The following XYLB variants were observed in gnomAD, a reference collection of about 807,000 sequenced individuals.
XYLB encodes the protein xylulose kinase.
Under a neutral mutation model 78.7 loss-of-function variants are expected in XYLB, and 62 were observed. That is an observed-to-expected ratio of 0.79 (90% CI 0.64 to 0.97). XYLB has a LOEUF of 0.97. XYLB is among the 50% of genes least tolerant of loss of function. XYLB has a pLI of 0.00. For synonymous variants in XYLB, 245 were observed against 247.4 expected, an observed-to-expected ratio of 0.99 and a Z score of 0.09; for missense variants, 687 against 676.8, an observed-to-expected ratio of 1.02 and a Z score of -0.17.
intron 1 of XYLB, among the ~76,000 whole-genome samples, chr3:38,348,025 T>C (rs557460217): frequency 2.0e-4 from 31 of 152,334 alleles, no homozygotes; most frequent in African/African-American, 7.5e-4. Context: ...GGACCTCAGT[T>C]TTCCCATCTG....
the XYLB span, among the ~76,000 whole-genome samples, chr3:38,445,310 C>T: frequency 6.6e-6 from 1 of 152,174 alleles, no homozygotes; most frequent in Admixed American, 6.5e-5. Flanking sequence ...TGAACTCCCC[C>T]ACGCGACGGG....
intron 18 of XYLB, among the ~76,000 whole-genome samples, chr3:38,404,339 G>A (rs1232268885): frequency 3.3e-5 from 5 of 152,124 alleles, no homozygotes; most frequent in Admixed American, 3.3e-4. Context: ...CCCTCATTTG[G>A]AAGAGCAAAG....
intron 18 of XYLB, among the ~76,000 whole-genome samples, chr3:38,402,361 C>T (rs927103392): frequency 1.3e-5 from 2 of 152,106 alleles, no homozygotes; most frequent in African/African-American, 4.8e-5. Context: ...TGGTCTGAAA[C>T]GAAAGCTGTC....
At chr3:38,355,689 C>A in intron 2 of XYLB, 1 of 702,810 alleles carries the variant, frequency 1.4e-6, no homozygotes, top group South Asian at 1.5e-5. Flanking sequence ...CCTAGTCCAT[C>A]AAAACCTCCT....
intron 15 of XYLB, among the ~76,000 whole-genome samples, chr3:38,385,258 C>T (rs1707332341): frequency 6.6e-6 from 1 of 152,138 alleles, no homozygotes; most frequent in African/African-American, 2.4e-5. Flanking sequence ...TCTTGGCCTC[C>T]AAAGTGCTGG....
At position 38,395,535 on chromosome 3, in the gene XYLB, G is replaced by T; in HGVS notation, c.1322G>T (p.Gly441Val). ...MSKTKILATG[G>V]ASHNREILQV... ...AAGACAAAGATTTTGGCCACAGGAG[G>T]AGCATCTCACAATAGAGAAATCTTA... Residue 441 changes from glycine to valine, a missense_variant, in exon 16 of 19, where the codon GGA becomes GTA. Transcript: ENST00000207870. 6.2e-7 allele frequency: 1 copy of T among 1,614,192 alleles called. No homozygotes were observed. Among genetic ancestry groups the T allele is most frequent in the Non-Finnish European group, 8.5e-7 (1 of 1,180,034 alleles).
chr3:38,348,157 G>C lies in XYLB; in HGVS notation c.58-393G>C, dbSNP rs1705170971. On this transcript the variant is annotated intron_variant, in intron 1 of 18. Transcript: ENST00000207870. ...CCTTGCCTGGTCTCAGGCCTCTGCA[G>C]ACATGGATCCCCAGAGATGCCTCCA... is the stretch of plus-strand genomic sequence containing the variant. Among the ~76,000 whole-genome samples, 3 of 152,240 alleles carry C rather than the reference G, an allele frequency of 2.0e-5. No individual in the cohort carries two copies. The South Asian group carries it at 6.2e-4, about 31-fold the overall frequency.
the XYLB span, among the ~76,000 whole-genome samples, chr3:38,430,916 A>T: frequency 6.6e-6 from 1 of 151,866 alleles, no homozygotes; most frequent in Non-Finnish European, 1.5e-5. Context: ...TGATCTATAT[A>T]TCTGTTTTGG....
At position 38,365,576 on chromosome 3, in the gene XYLB, G is replaced by A. The variant is rs916124977; in HGVS notation, c.379-32G>A. 7.5e-6 allele frequency: 12 copies of A among 1,593,398 alleles called. No individual in the cohort carries two copies. The South Asian group carries it at 7.9e-5, about 10-fold the overall frequency. ...GCAGATCTCCAAGTCAGCGGATGGA[G>A]CTTAAGCCTGTGCCTTTGCCCTCCT... On this transcript the variant is annotated intron_variant, in intron 5 of 18. Transcript: ENST00000207870.
intron 17 of XYLB, among the ~76,000 whole-genome samples, chr3:38,397,418 G>A (rs1043095262): frequency 1.8e-4 from 28 of 152,192 alleles, no homozygotes; most frequent in African/African-American, 6.3e-4. Flanking sequence ...TCAGCACAGG[G>A]ACATGGGAAA....
At chr3:38,404,186 G>C (rs954784053) in intron 18 of XYLB, among the ~76,000 whole-genome samples, 2 of 152,170 alleles carry the variant, frequency 1.3e-5, no homozygotes, top group South Asian at 4.1e-4. Flanking sequence ...ATACAGGCTA[G>C]GACAACCTTA....
chr3:38,442,036 A>T, the XYLB span, among the ~76,000 whole-genome samples: 1 of 152,132 alleles, frequency 6.6e-6, no homozygotes, highest in South Asian at 2.1e-4. Flanking sequence ...ATTAGAGTAT[A>T]GAGTGGTCTG....
chr3:38,434,173 C>G, the XYLB span, among the ~76,000 whole-genome samples: 1 of 152,196 alleles, frequency 6.6e-6, no homozygotes, highest in Non-Finnish European at 1.5e-5. Flanking sequence ...TAATCTCCAC[C>G]TGGTCCTGCC....
chr3:38,360,124 A>G (rs1705886222), intron 2 of XYLB, among the ~76,000 whole-genome samples: 1 of 152,160 alleles, frequency 6.6e-6, no homozygotes, highest in Admixed American at 6.5e-5. Flanking sequence ...GCTTCTGAGA[A>G]TTGCCACATC....
At chr3:38,359,387 T>C (rs1705849361) in intron 2 of XYLB, among the ~76,000 whole-genome samples, 1 of 152,240 alleles carries the variant, frequency 6.6e-6, no homozygotes, top group Admixed American at 6.5e-5. Flanking sequence ...ATCGGGAACA[T>C]GTCACATTGC....
At chr3:38,347,622 G>A (rs1559565393) in intron 1 of XYLB, among the ~76,000 whole-genome samples, 1 of 152,094 alleles carries the variant, frequency 6.6e-6, no homozygotes, top group Non-Finnish European at 1.5e-5. Flanking sequence ...ATTGCAGTGA[G>A]CTAAGATGGC....
intron 10 of XYLB, among the ~76,000 whole-genome samples, 164 bp from the exon 11 acceptor site, chr3:38,374,298 T>G (rs3749385): frequency 1.3e-5 from 2 of 152,214 alleles, no homozygotes; most frequent in East Asian, 3.9e-4. Flanking sequence ...GACCTTCTCC[T>G]CTTAGGGCCT....
chr3:38,412,784 AT>A (rs1708648059), intron 18 of XYLB, 151 bp from the exon 19 acceptor site: 1 of 660,702 alleles, frequency 1.5e-6, no homozygotes, highest in Non-Finnish European at 2.6e-6. Flanking sequence ...AACTGCTAGC[AT>A]TTCCTCTTTT....
the XYLB span, among the ~76,000 whole-genome samples, chr3:38,429,112 G>C: frequency 2.0e-5 from 3 of 152,138 alleles, no homozygotes; most frequent in Non-Finnish European, 4.4e-5. Flanking sequence ...GAATATTAAG[G>C]TCTGACCATC....
Sources: allele counts gnomAD v4.1 joint callset (sites outside exome capture counted in the v4.1 genomes callset), GRCh38; gene constraint gnomAD v4.1.1; transcripts MANE v1.5; gene names NCBI Gene and HGNC (gene_info 2026-07-23, HGNC 2026-07-21).